The following HDAC8 variants were observed in gnomAD, a reference collection of about 807,000 sequenced individuals.
HDAC8 encodes histone deacetylase 8, also known as histone deacetylase-like 1.
HDAC8 carries 1 observed loss-of-function variant against 32.2 expected under a neutral mutation model. The observed-to-expected ratio is 0.03, with a 90% CI of 0.01 to 0.15. HDAC8 has a LOEUF of 0.15. HDAC8 is among the 10% of genes least tolerant of loss of function. The pLI is 1.00. For missense variants in HDAC8, 117 were observed against 300.0 expected (o/e 0.39, Z 4.51); for synonymous variants, 108 against 113.9 (o/e 0.95, Z 0.33).
At chrX:72,362,754 A>C (rs1216722666) in intron 9 of HDAC8, among the ~76,000 whole-genome samples, 1 of 112,357 alleles carries the variant, frequency 8.9e-6, no homozygotes, top group African/African-American at 3.2e-5. Flanking sequence ...GGCAGTAGTA[A>C]AATTGGATTT....
At chrX:72,449,005 G>A (rs1254479880) in intron 9 of HDAC8, among the ~76,000 whole-genome samples, 2 of 112,385 alleles carry the variant, frequency 1.8e-5, no homozygotes, top group Non-Finnish European at 3.8e-5. Flanking sequence ...GTGGAAGACA[G>A]TGTGGTGATT....
At chrX:72,502,816 C>T in intron 4 of HDAC8, among the ~76,000 whole-genome samples, 1 of 110,346 alleles carries the variant, frequency 9.1e-6, no homozygotes, top group Middle Eastern at 4.7e-3. Context: ...GTCCCAGCTA[C>T]TCAGGAGGCT....
intron 9 of HDAC8, among the ~76,000 whole-genome samples, chrX:72,408,337 C>T (rs1326715429): frequency 9.0e-6 from 1 of 111,399 alleles, no homozygotes; most frequent in Non-Finnish European, 1.9e-5. Context: ...GAGAAAGCAA[C>T]AACTGAGCAA....
intron 5 of HDAC8, among the ~76,000 whole-genome samples, chrX:72,493,548 A>G (rs1556011149): frequency 8.9e-6 from 1 of 111,766 alleles, no homozygotes; most frequent in Non-Finnish European, 1.9e-5. Flanking sequence ...GGGGTCAATG[A>G]ACTAAGTGGC....
intron 4 of HDAC8, among the ~76,000 whole-genome samples, chrX:72,535,226 A>G (rs1274127846): frequency 8.9e-6 from 1 of 112,082 alleles, no homozygotes; most frequent in Non-Finnish European, 1.9e-5. Context: ...TTGTACCATT[A>G]TAAGTAATTT....
chrX:72,564,017 G>A (rs1177945425), intron 4 of HDAC8, among the ~76,000 whole-genome samples: 3 of 110,855 alleles, frequency 2.7e-5, no homozygotes, highest in Non-Finnish European at 3.8e-5. Flanking sequence ...AAAATTAGCC[G>A]GGCATGGTGG....
chrX:72,443,851 G>A (rs1342513147), intron 9 of HDAC8, among the ~76,000 whole-genome samples: 3 of 109,192 alleles, frequency 2.7e-5, no homozygotes, highest in South Asian at 4.0e-4. Context: ...TGATAAAGGG[G>A]ATATCACCAC....
intron 9 of HDAC8, among the ~76,000 whole-genome samples, chrX:72,362,230 G>A (rs1447163311): frequency 9.0e-6 from 1 of 111,094 alleles, no homozygotes; most frequent in African/African-American, 3.3e-5. Context: ...TTCTTGCTCT[G>A]AGAGTTCATG....
chrX:72,481,424 T>C (rs1171296289), intron 7 of HDAC8, among the ~76,000 whole-genome samples: 1 of 111,891 alleles, frequency 8.9e-6, no homozygotes, highest in Admixed American at 9.4e-5. Flanking sequence ...TGTTCTCACA[T>C]GCAAATTTCT....
chrX:72,372,961 C>A (rs1555956926), intron 9 of HDAC8, among the ~76,000 whole-genome samples: 1 of 111,595 alleles, frequency 9.0e-6, no homozygotes, highest in East Asian at 2.8e-4. Flanking sequence ...TGAGAGCCTG[C>A]CAGTTCTAGG....
chrX:72,419,262 T>A (rs781970160), intron 9 of HDAC8, among the ~76,000 whole-genome samples: 1 of 111,992 alleles, frequency 8.9e-6, no homozygotes, highest in African/African-American at 3.2e-5. Flanking sequence ...ACATGAGATG[T>A]CTTTCCATTT....
chrX:72,369,754 A>C (rs1411484113), intron 9 of HDAC8, among the ~76,000 whole-genome samples: 1 of 113,067 alleles, frequency 8.8e-6, no homozygotes, highest in Non-Finnish European at 1.9e-5. Context: ...TATTGAAATA[A>C]AATAAAACTC....
intron 4 of HDAC8, among the ~76,000 whole-genome samples, chrX:72,553,509 T>A (rs913535265): frequency 8.9e-6 from 1 of 111,969 alleles, no homozygotes; most frequent in Non-Finnish European, 1.9e-5. Flanking sequence ...CTTTACCATA[T>A]TTTGGGTCGG....
intron 6 of HDAC8, chrX:72,489,294 C>T (rs782682381): frequency 2.2e-6 from 1 of 448,572 alleles, no homozygotes; most frequent in East Asian, 4.6e-5. Flanking sequence ...TTTAGGTTGA[C>T]ATAACATCAA....
rs1007383578 is a variant in HDAC8 at position 72,367,328 on chromosome X, G to A, written c.1006-15490C>T. Among the ~76,000 whole-genome samples, 3 of 112,016 alleles carry A rather than the reference G, an allele frequency of 2.7e-5. No individual in the cohort carries two copies. In the East Asian group the frequency reaches 8.5e-4, roughly 32 times the overall value. On this transcript the variant is annotated intron_variant, in intron 9 of 10. Transcript: ENST00000373573. ...AGGCTGGCTCAGCAGCAGGCAGCACGGAGTAGTAGGAAAGGTCCCCAGCAC... is the reference window on the plus strand; with the variant it reads ...AGGCTGGCTCAGCAGCAGGCAGCACAGAGTAGTAGGAAAGGTCCCCAGCAC...
chrX:72,539,802 T>G (rs2050646762), intron 4 of HDAC8, among the ~76,000 whole-genome samples: 1 of 111,460 alleles, frequency 9.0e-6, no homozygotes, highest in African/African-American at 3.3e-5. Context: ...TTCAGAGAAT[T>G]TCAGTGAGAA....
rs931292004 is a variant in HDAC8, at chrX:72,422,119, T to C, written c.1005+39885A>G. On this transcript the variant is annotated intron_variant, in intron 9 of 10. Coordinates refer to ENST00000373573, the MANE Select transcript of HDAC8 (RefSeq NM_018486.3). The stretch of plus-strand genomic sequence containing the variant: ...CTTTGTCAACAGTTTGATTATAATG[T>C]CTCTTGATGTGGGTCTATTCTACTT... Among the ~76,000 whole-genome samples, 3 of 111,645 alleles carry C rather than the reference T, an allele frequency of 2.7e-5. No homozygotes were observed. The East Asian group carries it at 8.4e-4, about 31-fold the overall frequency.
chrX:72,330,455 C>T (rs1252570215), intron 10 of HDAC8, among the ~76,000 whole-genome samples: 1 of 111,654 alleles, frequency 9.0e-6, no homozygotes, highest in Non-Finnish European at 1.9e-5. Context: ...CTCTCTCTCT[C>T]TCGTAACACT....
intron 4 of HDAC8, among the ~76,000 whole-genome samples, chrX:72,555,161 A>C (rs782353448): frequency 8.9e-6 from 1 of 112,009 alleles, no homozygotes; most frequent in Non-Finnish European, 1.9e-5. Flanking sequence ...CAATCGCTAC[A>C]GTTTAGCTCT....
Sources: gnomAD v4.1 joint callset for allele counts (sites outside exome capture counted in the v4.1 genomes callset) on GRCh38, gnomAD v4.1.1 for gene constraint, MANE v1.5 for transcripts, NCBI Gene and HGNC (gene_info 2026-07-23, HGNC 2026-07-21) for gene names.